ZGPAT: variants seen among roughly 807,000 people sequenced by gnomAD.
ZGPAT encodes zinc finger CCCH-type and G-patch domain containing, also known as zinc finger CCCH-type with G patch domain-containing protein.
Under a neutral mutation model 47.9 loss-of-function variants are expected in ZGPAT, and 39 were observed. That is an observed-to-expected ratio of 0.81 (90% CI 0.63 to 1.06). The LOEUF is 1.06. Ranked by LOEUF, ZGPAT falls within the 50% of genes least tolerant of loss-of-function variation. The probability of loss-of-function intolerance (pLI) is 0.00; values close to 1 mark genes in which losing one functional copy is unlikely to be tolerated. For synonymous variants in ZGPAT, 348 were observed against 292.9 expected (o/e 1.19, Z -1.92); for missense variants, 717 against 681.4 (o/e 1.05, Z -0.58).
chr20:63,712,821 G>GGGA (rs1181607224), intron 2 of ZGPAT, among the ~76,000 whole-genome samples: 1 of 152,012 alleles, frequency 6.6e-6, no homozygotes, highest in Admixed American at 6.6e-5. Context: ...GCTTGAACCT[G>GGGA]GGAGGAGGAG....
Position 63,735,563 on chromosome 20 carries a change from CG to C in ZGPAT, c.1397+1del. 6.6e-7 allele frequency: 1 copy of C among 1,513,698 alleles called. No individual in the cohort carries two copies. The highest frequency in any genetic ancestry group is 1.3e-5 in the South Asian group (1 of 74,992). The allele number at this position is 1,513,698 out of a possible 1,614,324, so 93.8% of individuals were successfully genotyped here. A position where few individuals can be genotyped will look rare whatever the true frequency, so the allele number is the denominator to read the frequency against. On this transcript the variant is annotated frameshift_variant and splice_region_variant, in exon 6 of 7. Transcript: ENST00000355969. LOFTEE classifies it high-confidence loss of function. ...IQEALARNAG[R>X]HSVASAQLQE... The stretch of plus-strand genomic sequence containing the variant: ...GGAGGCTCTCGCCCGCAACGCTGGC[CG>C]GTACGTGTGGGGCCCAGCTCAGGGC...
At chr20:63,716,347 G>C (rs1410450961) in intron 2 of ZGPAT, among the ~76,000 whole-genome samples, 1 of 152,076 alleles carries the variant, frequency 6.6e-6, no homozygotes, top group Non-Finnish European at 1.5e-5. Flanking sequence ...AGTTTAGATA[G>C]TTTGCATGCA....
At chr20:63,729,501 G>T (rs2091876053) in intron 2 of ZGPAT, among the ~76,000 whole-genome samples, 1 of 152,168 alleles carries the variant, frequency 6.6e-6, no homozygotes, top group South Asian at 2.1e-4. Context: ...TGAAAACCCA[G>T]TTTTTAATTT....
chr20:63,734,778 T>C lies in ZGPAT; in HGVS notation c.945T>C (p.Gly315=). 2 of 1,612,480 alleles carry C rather than the reference T, an allele frequency of 1.2e-6. No individual in the cohort carries two copies. Among genetic ancestry groups the C allele is most frequent in the East Asian group, 4.5e-5 (2 of 44,864 alleles). Residue 315 remains glycine, a synonymous_variant, in exon 5 of 7, where the codon GGT becomes GGC. Transcript: ENST00000355969. The part of the protein sequence containing the change: ...AFAGWEVHTR[G]IGSRLLTKMG... ...CTGGCTGGGAGGTGCACACGCGAGG[T>C]ATAGGCTCCAGACTCCTCACCAAGA...
Position 63,708,877 on chromosome 20 carries a change from C to T in ZGPAT, c.297C>T (p.Ser99=), listed in dbSNP as rs369138145. The change falls in exon 2 of 7, where the codon TCC becomes TCT. Residue 99 remains serine (S), a synonymous_variant. Coordinates refer to ENST00000355969, the MANE Select transcript of ZGPAT (RefSeq NM_181485.3). ...AGGCACCAGCAGCGGCCCGTGGGTC[C>T]GGATCAGAGACCGTTCCTAAAGCAG... ...AVEAPAAARG[S]GSETVPKAEA... The T allele has an allele frequency of 9.9e-6, 16 of 1,610,796 alleles. No homozygotes were observed. The East Asian group carries it at 1.1e-4, about 11-fold the overall frequency.
In ZGPAT at chr20:63,708,966, T is replaced by G. The variant is rs1170721385; in HGVS notation, c.386T>G (p.Leu129Arg). ...GAAGAGGGAGAGGACGAGGAAGAGC[T>G]GAGTGGGACAAAGGTGAGCGCGCCC... ...EEEEGEDEEELSGTKVSAPYY... is the reference protein window; with the variant it reads ...EEEEGEDEEERSGTKVSAPYY... The change falls in exon 2 of 7, where the codon CTG becomes CGG. Residue 129 changes from leucine to arginine, a missense_variant. Coordinates refer to ENST00000355969, the MANE Select transcript of ZGPAT (RefSeq NM_181485.3). The G allele has an allele frequency of 6.2e-7, 1 of 1,613,152 alleles. No individual in the cohort carries two copies. Among genetic ancestry groups the G allele is most frequent in the African/African-American group, 1.3e-5 (1 of 74,828 alleles).
intron 4 of ZGPAT, 135 bp downstream of exon 4, chr20:63,733,874 T>A: frequency 8.3e-7 from 1 of 1,210,076 alleles, no homozygotes; most frequent in Non-Finnish European, 1.1e-6. Flanking sequence ...CACCTGTGCC[T>A]GAGGAGGCCG....
At chr20:63,733,075 A>T (rs975816411) in intron 2 of ZGPAT, 144 bp from the exon 3 acceptor site, 5 of 1,009,020 alleles carry the variant, frequency 5.0e-6, no homozygotes, top group African/African-American at 4.9e-5. Context: ...TGTGTGCGTG[A>T]GTGTGTGAGA....
At chr20:63,722,351 TGG>T (rs2145666426) in intron 2 of ZGPAT, among the ~76,000 whole-genome samples, 1 of 152,272 alleles carries the variant, frequency 6.6e-6, no homozygotes, top group Non-Finnish European at 1.5e-5. Context: ...AAAAGTTTAT[TGG>T]GAGGTTTTGA....
intron 2 of ZGPAT, among the ~76,000 whole-genome samples, chr20:63,710,043 G>T (rs2091647344): frequency 6.6e-6 from 1 of 151,938 alleles, no homozygotes; most frequent in Non-Finnish European, 1.5e-5. Flanking sequence ...TGTATTTTTA[G>T]TAGAGACGGG....
intron 2 of ZGPAT, 60 bp from the exon 3 acceptor site, chr20:63,733,158 TG>T: frequency 6.3e-7 from 1 of 1,587,962 alleles, no homozygotes; most frequent in Non-Finnish European, 8.6e-7. Context: ...TCAGTGCTCC[TG>T]GGTTGGTTTG....
Position 63,735,510 on chromosome 20 carries a change from G to A in ZGPAT, c.1343G>A (p.Arg448Gln), listed in dbSNP as rs773000592. 1.8e-5 allele frequency: 27 copies of A among 1,530,382 alleles called. No homozygotes were observed. Among genetic ancestry groups the A allele is most frequent in the Middle Eastern group, 1.8e-4 (1 of 5,640 alleles). The allele number at this position is 1,530,382 out of a possible 1,614,324, so 94.8% of individuals were successfully genotyped here. Residue 448 changes from arginine to glutamine, a missense_variant, in exon 6 of 7, where the codon CGA becomes CAA. By Grantham distance (43) the Arg-to-Gln change is conservative (BLOSUM62 1). Transcript: ENST00000355969. ...RLFQTEEKIERTQRDIRSIQE... is the reference protein window; with the variant it reads ...RLFQTEEKIEQTQRDIRSIQE... Reference sequence around the variant, plus strand: ...TTCCAGACTGAGGAGAAGATCGAGCGAACCCAGCGGGACATCAGGAGCATC... The same window carrying A: ...TTCCAGACTGAGGAGAAGATCGAGCAAACCCAGCGGGACATCAGGAGCATC...
chr20:63,708,803 G>A lies in ZGPAT; in HGVS notation c.223G>A (p.Glu75Lys). 1 of 1,605,854 alleles carries A rather than the reference G, an allele frequency of 6.2e-7. No individual in the cohort carries two copies. The highest frequency in any genetic ancestry group is 8.5e-7 in the Non-Finnish European group (1 of 1,174,530). Residue 75 changes from glutamate (E) to lysine (K), a missense_variant, in exon 2 of 7, where the codon GAA becomes AAA. Physicochemically the swap from Glu to Lys is moderately conservative, Grantham distance 56. Transcript: ENST00000355969. ...GGACGAAGAGCGCCCGGGCCGCCAG[G>A]AAGATGCTGAGTACCAGGCTTTCCG... ...ALDEERPGRQ[E>K]DAEYQAFREA...
At chr20:63,724,503 G>T (rs190004048) in intron 2 of ZGPAT, among the ~76,000 whole-genome samples, 5 of 152,086 alleles carry the variant, frequency 3.3e-5, no homozygotes. Context: ...GCAACATAGC[G>T]AGACTCCATC....
At chr20:63,707,906 C>CCGCTGACCTCCG (rs2091577111), upstream of ZGPAT, 1 of 152,556 alleles carries the variant, frequency 6.6e-6, no homozygotes, top group Non-Finnish European at 1.5e-5. Context: ...CTGCTGACCC[C>CCGCTGACCTCCG]CGCTGACCTC....
intron 5 of ZGPAT, 116 bp downstream of exon 5, chr20:63,734,940 A>G: frequency 7.2e-7 from 1 of 1,391,338 alleles, no homozygotes; most frequent in Non-Finnish European, 9.5e-7. Flanking sequence ...CCGCAGCCAC[A>G]GCACTGCCAT....
At position 63,709,273 on chromosome 20, in the gene ZGPAT, T is replaced by G. The variant is rs141746271; in HGVS notation, c.584+109T>G. 3 of 1,229,794 alleles carry G rather than the reference T, an allele frequency of 2.4e-6. No individual in the cohort carries two copies. In the East Asian group the frequency reaches 7.1e-5, roughly 29 times the overall value. 76.2% of individuals were successfully genotyped at this position (1,229,794 alleles called of 1,614,324 possible). A position where few individuals can be genotyped will look rare whatever the true frequency, so the allele number is the denominator to read the frequency against. On this transcript the variant is annotated intron_variant, in intron 2 of 6. Coordinates refer to ENST00000355969, the MANE Select transcript of ZGPAT (RefSeq NM_181485.3). ...GCTTTGCAGTTTTGTCTCAGCTTCC[T>G]GGGGCAGGCGTGCTTTGACAGCTGT...
rs562270624 is a variant in ZGPAT, at chr20:63,716,455, TC to T, written c.584+7292del. On this transcript the variant is annotated intron_variant, in intron 2 of 6. Coordinates refer to ENST00000355969, the MANE Select transcript of ZGPAT (RefSeq NM_181485.3). ...TATAGCCCTAGTTATTTCTGTAAGA[TC>T]AGTAGTAATAGCTCCACTTTCTCTC... Among the ~76,000 whole-genome samples, 13 of 152,296 alleles carry T rather than the reference TC, an allele frequency of 8.5e-5. No homozygotes were observed. In the South Asian group the frequency reaches 2.1e-3, roughly 24 times the overall value.
intron 2 of ZGPAT, among the ~76,000 whole-genome samples, chr20:63,719,148 C>T (rs1373091352): frequency 6.6e-6 from 1 of 151,908 alleles, no homozygotes; most frequent in Non-Finnish European, 1.5e-5. Flanking sequence ...TATTGAGGAA[C>T]ATTTATATAT....
Sources: gnomAD v4.1 joint callset for allele counts (sites outside exome capture counted in the v4.1 genomes callset) on GRCh38, gnomAD v4.1.1 for gene constraint, MANE v1.5 for transcripts, NCBI Gene and HGNC (gene_info 2026-07-23, HGNC 2026-07-21) for gene names.